The following CCDC83 variants were observed in gnomAD, a reference collection of about 807,000 sequenced individuals.
CCDC83 encodes the protein coiled-coil domain containing 83, also known as coiled-coil domain-containing protein 83.
A neutral mutation model predicts 50.1 loss-of-function variants in CCDC83; 54 were observed. The observed-to-expected ratio is 1.08, with a 90% CI of 0.87 to 1.35. The LOEUF is 1.35. CCDC83 is among the 40% of genes most tolerant of loss of function. The pLI is 0.00. For synonymous variants in CCDC83, 161 were observed against 153.3 expected, an observed-to-expected ratio of 1.05 and a Z score of -0.37; for missense variants, 518 against 473.9, an observed-to-expected ratio of 1.09 and a Z score of -0.86.
chr11:85,913,762 T>C (rs1480017765), intron 8 of CCDC83, among the ~76,000 whole-genome samples: 1 of 152,202 alleles, frequency 6.6e-6, no homozygotes, highest in Non-Finnish European at 1.5e-5. Context: ...GAGGAAACTG[T>C]CAGCCAGAGG....
intron 2 of CCDC83, among the ~76,000 whole-genome samples, chr11:85,867,206 C>G (rs1010181388): frequency 6.6e-6 from 1 of 152,120 alleles, no homozygotes; most frequent in African/African-American, 2.4e-5. Flanking sequence ...CAGGCATACA[C>G]CACCAGGCCC....
intron 7 of CCDC83, among the ~76,000 whole-genome samples, chr11:85,904,953 T>G (rs1293237717): frequency 1.3e-5 from 2 of 152,190 alleles, no homozygotes; most frequent in Admixed American, 1.3e-4. Context: ...GTTCATACTA[T>G]CTCCCCAAAC....
chr11:85,872,971 CT>C (rs1252853413), intron 2 of CCDC83, among the ~76,000 whole-genome samples: 2 of 150,720 alleles, frequency 1.3e-5, no homozygotes, highest in African/African-American at 4.9e-5. Flanking sequence ...AAAATTATGA[CT>C]ATAAAACATG....
At chr11:85,883,558 C>G (rs919759718) in intron 4 of CCDC83, among the ~76,000 whole-genome samples, 21 of 152,074 alleles carry the variant, frequency 1.4e-4, no homozygotes, top group Non-Finnish European at 2.4e-4. Flanking sequence ...TACCATGGTA[C>G]TGAGGGTAAA....
At chr11:85,912,742 G>C in intron 8 of CCDC83, 2 of 1,584,130 alleles carry the variant, frequency 1.3e-6, no homozygotes, top group African/African-American at 1.3e-5. Context: ...GGCGTTGCTG[G>C]TATGTGGCTT....
intron 2 of CCDC83, among the ~76,000 whole-genome samples, chr11:85,872,634 C>T (rs2093245319): frequency 1.3e-5 from 2 of 152,170 alleles, no homozygotes. Context: ...ATCAAATAGC[C>T]TATAAGAAAG....
At chr11:85,871,441 AT>A (rs1028660375) in intron 2 of CCDC83, among the ~76,000 whole-genome samples, 42 of 151,160 alleles carry the variant, frequency 2.8e-4, no homozygotes, top group African/African-American at 8.3e-4. Context: ...CCAGTAAAGG[AT>A]TTTTTTTTAA....
intron 1 of CCDC83, among the ~76,000 whole-genome samples, chr11:85,858,136 G>A (rs1029733058): frequency 4.6e-5 from 7 of 152,146 alleles, no homozygotes; most frequent in Non-Finnish European, 8.8e-5. Context: ...TGTGCCATGG[G>A]CCACCTCAGC....
At chr11:85,898,888 T>G in intron 6 of CCDC83, 59 bp from the exon 7 acceptor site, 1 of 1,117,952 alleles carries the variant, frequency 8.9e-7, no homozygotes. Flanking sequence ...ACATCACTAT[T>G]GCTAAAATTG....
chr11:85,893,793 TCACTGTCTCC>T (rs2093360533), intron 5 of CCDC83, among the ~76,000 whole-genome samples: 2 of 152,188 alleles, frequency 1.3e-5, no homozygotes, highest in South Asian at 4.1e-4. Flanking sequence ...TAATGATCTG[TCACTGTCTCC>T]CATCACCCCC....
At position 85,916,104 on chromosome 11, in the gene CCDC83, A is replaced by T; in HGVS notation, c.951A>T (p.Leu317Phe). The change falls in exon 10 of 11, where the codon TTA (leucine) becomes TTT (phenylalanine). Residue 317 changes from leucine to phenylalanine, a missense_variant. By Grantham distance (22) the Leu-to-Phe change is conservative. Transcript: ENST00000342404. ...LMSSSDESTI[L>F]HLSHENSIED... ...CCTCATCAGATGAGAGCACTATCTT[A>T]CATCTTAGTCATGAAAATAGCATCG... 6.2e-7 allele frequency: 1 copy of T among 1,613,038 alleles called. No individual in the cohort carries two copies. The highest frequency in any genetic ancestry group is 1.3e-5 in the African/African-American group (1 of 75,020).
At chr11:85,919,317 C>G in intron 10 of CCDC83, 32 bp from the exon 11 acceptor site, 1 of 1,563,000 alleles carries the variant, frequency 6.4e-7, no homozygotes, top group Non-Finnish European at 8.6e-7. Context: ...TGAATCACCT[C>G]TCCTATTCTT....
intron 8 of CCDC83, among the ~76,000 whole-genome samples, chr11:85,913,161 T>C (rs1479036712): frequency 6.6e-6 from 1 of 152,158 alleles, no homozygotes; most frequent in Non-Finnish European, 1.5e-5. Context: ...AGAAATGAAG[T>C]CAAAATATTT....
At chr11:85,889,646 T>C (rs578204870) in intron 5 of CCDC83, among the ~76,000 whole-genome samples, 3 of 152,328 alleles carry the variant, frequency 2.0e-5, no homozygotes, top group African/African-American at 7.2e-5. Flanking sequence ...TCAATCTATC[T>C]GAAGGCTTAC....
intron 7 of CCDC83, among the ~76,000 whole-genome samples, chr11:85,905,499 AC>A (rs1254150275): frequency 6.6e-6 from 1 of 151,148 alleles, no homozygotes; most frequent in African/African-American, 2.4e-5. Context: ...AATCCCAGCT[AC>A]ATGGGAGGCT....
In CCDC83 at chr11:85,911,175, TAAAAAA is replaced by T. The variant is rs368467157; in HGVS notation, c.673-94_673-89del. On this transcript the variant is annotated intron_variant, in intron 7 of 10. Coordinates refer to ENST00000342404, the MANE Select transcript of CCDC83 (RefSeq NM_001286159.2). ...GACAAAAGTGAAACTCCGTCTCAAATAAAAAAAAAAAAAAAAAGAAAGAAAAAAGAA... is the reference window on the plus strand; with the variant it reads ...GACAAAAGTGAAACTCCGTCTCAAATAAAAAAAAAAAGAAAGAAAAAAGAA... 38 of 661,726 alleles carry T rather than the reference TAAAAAA, an allele frequency of 5.7e-5. No homozygotes were observed. In the East Asian group the frequency reaches 1.5e-3, roughly 27 times the overall value. The allele number at this position is 661,726 out of a possible 1,614,324, so 41.0% of individuals were successfully genotyped here. A position where few individuals can be genotyped will look rare whatever the true frequency, so the allele number is the denominator to read the frequency against.
chr11:85,903,292 T>C (rs1441191333), intron 7 of CCDC83, among the ~76,000 whole-genome samples: 1 of 152,074 alleles, frequency 6.6e-6, no homozygotes, highest in Non-Finnish European at 1.5e-5. Context: ...TTTTATTTTA[T>C]TTATGTATTC....
At chr11:85,872,486 AAACAACAAC>A (rs141997473) in intron 2 of CCDC83, among the ~76,000 whole-genome samples, 4 of 151,716 alleles carry the variant, frequency 2.6e-5, no homozygotes, top group Admixed American at 2.0e-4. Flanking sequence ...TTCCATCTCA[AAACAACAAC>A]AACAACAACA....
intron 3 of CCDC83, among the ~76,000 whole-genome samples, chr11:85,877,100 T>G (rs2093273605): frequency 6.6e-6 from 1 of 152,212 alleles, no homozygotes; most frequent in Middle Eastern, 3.2e-3. Context: ...TCTCCTTCCA[T>G]TCAAAATTCA....
Sources: allele counts gnomAD v4.1 joint callset (sites outside exome capture counted in the v4.1 genomes callset), GRCh38; gene constraint gnomAD v4.1.1; transcripts MANE v1.5; gene names NCBI Gene and HGNC (gene_info 2026-07-23, HGNC 2026-07-21).